CCDC102B: variants seen among roughly 807,000 people sequenced by gnomAD.
CCDC102B encodes the protein coiled-coil domain-containing protein 102B.
A neutral mutation model predicts 57.4 loss-of-function variants in CCDC102B; 75 were observed. That is an observed-to-expected ratio of 1.31 (90% CI 1.08 to 1.58). The LOEUF is 1.58. Ranked by LOEUF, CCDC102B falls within the 40% of genes most tolerant of loss-of-function variation. CCDC102B has a pLI of 0.00. For synonymous variants in CCDC102B, 206 were observed against 201.9 expected, an observed-to-expected ratio of 1.02 and a Z score of -0.17; for missense variants, 636 against 582.6, an observed-to-expected ratio of 1.09 and a Z score of -0.94.
intron 4 of CCDC102B, chr18:68,859,021 G>T (rs1270080101): frequency 6.6e-6 from 1 of 152,344 alleles, no homozygotes; most frequent in African/African-American, 2.4e-5. Context: ...ACGCAAATTC[G>T]TGAAGCGTTC....
At chr18:69,040,536 G>A (rs2052409769) in intron 7 of CCDC102B, among the ~76,000 whole-genome samples, 1 of 151,664 alleles carries the variant, frequency 6.6e-6, no homozygotes, top group Admixed American at 6.6e-5. Flanking sequence ...CAAGCAATAG[G>A]ATTATTGAGA....
intron 6 of CCDC102B, among the ~76,000 whole-genome samples, chr18:69,002,562 C>G (rs919318757): frequency 7.9e-5 from 12 of 152,236 alleles, no homozygotes; most frequent in Non-Finnish European, 1.6e-4. Flanking sequence ...TGAAGTCACT[C>G]TAACCTTGGA....
chr18:68,810,691 T>TA (rs57645255), intron 1 of CCDC102B, among the ~76,000 whole-genome samples: 2,988 of 142,626 alleles, frequency 0.021, 155 homozygotes, highest in African/African-American at 0.074. Context: ...TTTTTTTTTT[T>TA]TTTTTTTTTT....
chr18:68,745,405 T>C (rs1267809021), intron 2 of CCDC102B, among the ~76,000 whole-genome samples: 1 of 152,024 alleles, frequency 6.6e-6, no homozygotes, highest in Admixed American at 6.6e-5. Flanking sequence ...TACAACTCAG[T>C]CTGTGAAAAC....
At chr18:68,772,138 A>G (rs1568242088) in intron 2 of CCDC102B, among the ~76,000 whole-genome samples, 1 of 152,224 alleles carries the variant, frequency 6.6e-6, no homozygotes, top group African/African-American at 2.4e-5. Flanking sequence ...ACAAAGATCC[A>G]AAAGTTCTCA....
At chr18:68,980,001 C>T (rs1482068112) in intron 6 of CCDC102B, among the ~76,000 whole-genome samples, 2 of 151,956 alleles carry the variant, frequency 1.3e-5, no homozygotes. Context: ...GGAGTAGGCG[C>T]ATGAACCTGT....
intron 1 of CCDC102B, among the ~76,000 whole-genome samples, chr18:68,810,230 T>C (rs1240465984): frequency 6.6e-6 from 1 of 152,180 alleles, no homozygotes; most frequent in African/African-American, 2.4e-5. Context: ...AGCAGCTGTC[T>C]TACACAAATT....
chr18:68,756,881 GT>G (rs2034068878), intron 2 of CCDC102B, among the ~76,000 whole-genome samples: 2 of 29,436 alleles, frequency 6.8e-5, no homozygotes, highest in African/African-American at 1.2e-4. Context: ...GCTATATCTG[GT>G]GTGTGTGTGT....
intron 6 of CCDC102B, among the ~76,000 whole-genome samples, chr18:68,964,958 A>G (rs1032933303): frequency 2.6e-5 from 4 of 151,896 alleles, no homozygotes; most frequent in South Asian, 4.1e-4. Context: ...TGTCTTTTGA[A>G]TTACTATTTC....
chr18:69,009,923 GA>G (rs2051457539), intron 6 of CCDC102B, among the ~76,000 whole-genome samples: 1 of 38,480 alleles, frequency 2.6e-5, no homozygotes, highest in African/African-American at 5.7e-5. Context: ...TTTTAATAAA[GA>G]TTTTTTTTTT....
intron 6 of CCDC102B, among the ~76,000 whole-genome samples, chr18:69,002,281 G>A (rs752140712): frequency 2.0e-5 from 3 of 152,176 alleles, no homozygotes; most frequent in Non-Finnish European, 4.4e-5. Context: ...GGATACAAGT[G>A]TATATTTTGA....
At chr18:68,775,402 C>T (rs1193517462) in intron 2 of CCDC102B, among the ~76,000 whole-genome samples, 1 of 151,996 alleles carries the variant, frequency 6.6e-6, no homozygotes, top group Non-Finnish European at 1.5e-5. Context: ...AAGATCTATA[C>T]ATTGTGTTTG....
chr18:68,844,382 T>C (rs1464874137), intron 3 of CCDC102B, among the ~76,000 whole-genome samples: 1 of 151,832 alleles, frequency 6.6e-6, no homozygotes, highest in Non-Finnish European at 1.5e-5. Context: ...TAAAATCTTT[T>C]ATAAAAATAT....
chr18:68,905,321 CAA>C (rs1472825236), intron 6 of CCDC102B, among the ~76,000 whole-genome samples: 1 of 61,148 alleles, frequency 1.6e-5, no homozygotes, highest in African/African-American at 6.2e-5. Context: ...TATATTATTA[CAA>C]AATAATGAGA....
At chr18:68,933,616 G>A (rs947729768) in intron 6 of CCDC102B, among the ~76,000 whole-genome samples, 2 of 151,756 alleles carry the variant, frequency 1.3e-5, no homozygotes, top group Admixed American at 6.6e-5. Context: ...TAGATTGCTC[G>A]ATTATATTTT....
chr18:68,850,487 C>A (rs2038072773), intron 4 of CCDC102B, among the ~76,000 whole-genome samples: 2 of 151,902 alleles, frequency 1.3e-5, no homozygotes, highest in African/African-American at 4.8e-5. Context: ...AGGATTAGAG[C>A]TACCTGTGAT....
At chr18:68,855,319 T>C (rs990197822) in intron 4 of CCDC102B, among the ~76,000 whole-genome samples, 7 of 152,122 alleles carry the variant, frequency 4.6e-5, no homozygotes, top group Non-Finnish European at 5.9e-5. Flanking sequence ...AATTAAGAGA[T>C]GAAAGCTCTT....
chr18:68,919,722 G>A (rs1380909019), intron 6 of CCDC102B, among the ~76,000 whole-genome samples: 2 of 152,080 alleles, frequency 1.3e-5, no homozygotes, highest in African/African-American at 4.8e-5. Flanking sequence ...ACTTCTGGAT[G>A]TTCAGGTGAG....
chr18:69,034,326 A>T (rs1470221174), intron 7 of CCDC102B, among the ~76,000 whole-genome samples: 1 of 151,920 alleles, frequency 6.6e-6, no homozygotes, highest in African/African-American at 2.4e-5. Flanking sequence ...TTTTCTTCTA[A>T]GGGTTTTATA....
Sources: gnomAD v4.1 joint callset for allele counts (sites outside exome capture counted in the v4.1 genomes callset) on GRCh38, gnomAD v4.1.1 for gene constraint, MANE v1.5 for transcripts, NCBI Gene and HGNC (gene_info 2026-07-23, HGNC 2026-07-21) for gene names.